TRPM3: variants seen among roughly 807,000 people sequenced by gnomAD.
The protein encoded by TRPM3 is transient receptor potential cation channel subfamily M member 3, also known as long transient receptor potential channel 3.
TRPM3 carries 77 observed loss-of-function variants against 181.2 expected under a neutral mutation model. That is an observed-to-expected ratio of 0.42 (90% CI 0.35 to 0.51). TRPM3 has a LOEUF of 0.51. Ranked by LOEUF, TRPM3 falls within the 20% of genes least tolerant of loss-of-function variation. The pLI, the probability that TRPM3 is intolerant of heterozygous loss-of-function variation, is 0.01. For missense variants in TRPM3, 1,759 were observed against 2,196.7 expected (o/e 0.80, Z 3.98); for synonymous variants, 745 against 796.4 (o/e 0.94, Z 1.09).
intron 21 of TRPM3, among the ~76,000 whole-genome samples, chr9:70,591,573 G>T (rs2058115280): frequency 1.3e-5 from 2 of 152,140 alleles, no homozygotes; most frequent in African/African-American, 2.4e-5. Flanking sequence ...TGCTCCTGGG[G>T]GAGGCAAGTG....
chr9:71,216,222 T>C (rs2079858441), intron 1 of TRPM3, among the ~76,000 whole-genome samples: 1 of 149,490 alleles, frequency 6.7e-6, no homozygotes, highest in African/African-American at 2.5e-5. Flanking sequence ...ACATTGTAAA[T>C]AGGCTTCTAA....
At chr9:71,062,564 GTTTC>G (rs1433556952) in intron 1 of TRPM3, among the ~76,000 whole-genome samples, 1 of 152,040 alleles carries the variant, frequency 6.6e-6, no homozygotes, top group East Asian at 1.9e-4. Context: ...AAATACTTTT[GTTTC>G]TTTGAGCAAA....
At chr9:71,245,238 C>T (rs1434564501) in intron 1 of TRPM3, among the ~76,000 whole-genome samples, 1 of 151,982 alleles carries the variant, frequency 6.6e-6, no homozygotes, top group Non-Finnish European at 1.5e-5. Context: ...CACCTGAGGT[C>T]AGGAATTTGA....
intron 1 of TRPM3, among the ~76,000 whole-genome samples, chr9:71,158,969 T>C (rs2076139309): frequency 6.6e-6 from 1 of 152,186 alleles, no homozygotes; most frequent in Non-Finnish European, 1.5e-5. Context: ...CCAGCTGGAA[T>C]CTACACCATC....
intron 1 of TRPM3, among the ~76,000 whole-genome samples, chr9:71,444,320 A>T (rs1263555847): frequency 6.6e-6 from 1 of 152,138 alleles, no homozygotes; most frequent in Non-Finnish European, 1.5e-5. Context: ...ATGTCACATT[A>T]AAAAAACAAT....
intron 1 of TRPM3, among the ~76,000 whole-genome samples, chr9:71,245,599 A>T (rs1047859271): frequency 2.6e-5 from 4 of 152,222 alleles, no homozygotes; most frequent in Non-Finnish European, 4.4e-5. Flanking sequence ...ATAAATTAGT[A>T]GTAAGGACGT....
intron 8 of TRPM3, 100 bp downstream of exon 8, chr9:70,761,501 C>T: frequency 6.4e-7 from 1 of 1,568,570 alleles, no homozygotes; most frequent in Non-Finnish European, 8.8e-7. Context: ...TAAGCTCGGC[C>T]AGAAAGAGAG....
intron 1 of TRPM3, among the ~76,000 whole-genome samples, chr9:71,169,364 GAA>G (rs1282051638): frequency 6.6e-6 from 1 of 152,128 alleles, no homozygotes; most frequent in African/African-American, 2.4e-5. Flanking sequence ...TTCTACATAA[GAA>G]GAGACTGAGA....
At chr9:71,287,553 A>T (rs1241582455) in intron 1 of TRPM3, among the ~76,000 whole-genome samples, 1 of 152,014 alleles carries the variant, frequency 6.6e-6, no homozygotes, top group African/African-American at 2.4e-5. Flanking sequence ...GAGGGTACAG[A>T]AGAAGGCCTT....
chr9:71,192,267 T>C (rs939115759), intron 1 of TRPM3, among the ~76,000 whole-genome samples: 9 of 151,646 alleles, frequency 5.9e-5, no homozygotes, highest in Admixed American at 5.9e-4. Flanking sequence ...GAGAAGAGAG[T>C]TTGAATGAAT....
chr9:71,186,606 T>C (rs2077695403), intron 1 of TRPM3, among the ~76,000 whole-genome samples: 1 of 152,044 alleles, frequency 6.6e-6, no homozygotes. Context: ...CATGGCAATA[T>C]GTGGTCAGCC....
chr9:70,666,819 G>GC (rs1554658110), intron 9 of TRPM3, among the ~76,000 whole-genome samples: 2 of 135,856 alleles, frequency 1.5e-5, no homozygotes, highest in Admixed American at 1.4e-4. Flanking sequence ...TTATTGCATT[G>GC]TTTTTTTATC....
intron 1 of TRPM3, among the ~76,000 whole-genome samples, chr9:71,234,554 A>G (rs1011491559): frequency 3.3e-5 from 5 of 152,094 alleles, no homozygotes; most frequent in African/African-American, 7.2e-5. Context: ...GTTGCTTCTG[A>G]AGCCTCTCTC....
At chr9:70,583,218 T>A (rs778466496) in intron 22 of TRPM3, among the ~76,000 whole-genome samples, 4 of 152,116 alleles carry the variant, frequency 2.6e-5, no homozygotes, top group Non-Finnish European at 5.9e-5. Context: ...GATAAAAATG[T>A]CTTGGCAGAA....
chr9:71,261,962 C>T (rs1009255186), intron 1 of TRPM3, among the ~76,000 whole-genome samples: 13 of 152,188 alleles, frequency 8.5e-5, no homozygotes, highest in Non-Finnish European at 1.9e-4. Flanking sequence ...AGGCGTTTCC[C>T]TGTCAGGAGC....
chr9:71,287,676 A>C (rs951421619), intron 1 of TRPM3, among the ~76,000 whole-genome samples: 2 of 151,930 alleles, frequency 1.3e-5, no homozygotes, highest in African/African-American at 4.8e-5. Context: ...GCTATAATAC[A>C]ATTGATATAC....
intron 6 of TRPM3, among the ~76,000 whole-genome samples, chr9:70,808,166 G>A (rs2091110079): frequency 6.6e-6 from 1 of 152,198 alleles, no homozygotes; most frequent in African/African-American, 2.4e-5. Flanking sequence ...AGGTTCCTAT[G>A]TTATGCTAGG....
At chr9:71,240,422 T>C (rs2081595413) in intron 1 of TRPM3, among the ~76,000 whole-genome samples, 1 of 152,174 alleles carries the variant, frequency 6.6e-6, no homozygotes, top group Non-Finnish European at 1.5e-5. Context: ...TAAACAAGTG[T>C]TGTCTTGAGT....
chr9:70,557,405 A>G (rs2047973682), intron 22 of TRPM3, among the ~76,000 whole-genome samples: 1 of 152,258 alleles, frequency 6.6e-6, no homozygotes. Flanking sequence ...ATCAGCAAAG[A>G]AAGAGCATTA....
Sources: allele counts gnomAD v4.1 joint callset (sites outside exome capture counted in the v4.1 genomes callset), GRCh38; gene constraint gnomAD v4.1.1; transcripts MANE v1.5; gene names NCBI Gene and HGNC (gene_info 2026-07-23, HGNC 2026-07-21).